Variants in ARFGEF1 observed in about 807,000 individuals in gnomAD.
ARFGEF1 encodes the protein brefeldin A-inhibited guanine nucleotide-exchange protein 1.
Under a neutral mutation model 231.0 loss-of-function variants are expected in ARFGEF1, and 42 were observed. The ratio of observed to expected loss-of-function variants is 0.18; its 90% CI spans 0.14 to 0.24. The LOEUF (loss-of-function observed/expected upper bound fraction) is 0.24. ARFGEF1 is among the 10% of genes least tolerant of loss of function. ARFGEF1 has a pLI of 1.00. For missense variants in ARFGEF1, 1,345 were observed against 2,192.0 expected (o/e 0.61, Z 7.72); for synonymous variants, 710 against 732.3 (o/e 0.97, Z 0.49).
At chr8:67,197,339 C>CACT (rs1405828654), downstream of ARFGEF1, among the ~76,000 whole-genome samples, 1 of 152,004 alleles carries the variant, frequency 6.6e-6, no homozygotes, top group African/African-American at 2.4e-5. Context: ...CTACAGTCCT[C>CACT]ACTACTGGGG....
intron 7 of ARFGEF1, among the ~76,000 whole-genome samples, chr8:67,282,910 G>C (rs1205102908): frequency 1.3e-5 from 2 of 149,230 alleles, no homozygotes; most frequent in Non-Finnish European, 3.0e-5. Context: ...ACAAAACAAA[G>C]ACTGAGTAGA....
intron 3 of ARFGEF1, 44 bp from the exon 4 acceptor site, chr8:67,299,399 A>G (rs1806377522): frequency 2.0e-6 from 3 of 1,517,564 alleles, no homozygotes; most frequent in African/African-American, 1.4e-5. Flanking sequence ...AAGGTAACAA[A>G]TATTATACAT....
At chr8:67,316,524 A>C (rs1807325117) in intron 1 of ARFGEF1, among the ~76,000 whole-genome samples, 1 of 151,836 alleles carries the variant, frequency 6.6e-6, no homozygotes, top group African/African-American at 2.4e-5. Context: ...GCAGTGGCGC[A>C]ATCACAGCTC....
At chr8:67,258,321 T>C (rs1563869478) in intron 15 of ARFGEF1, 31 bp from the exon 16 acceptor site, 1 of 1,448,952 alleles carries the variant, frequency 6.9e-7, no homozygotes, top group Middle Eastern at 1.9e-4. Context: ...GAAATTGATA[T>C]TTTCTTTCTT....
At chr8:67,329,716 A>G (rs78489322) in intron 1 of ARFGEF1, among the ~76,000 whole-genome samples, 2 of 151,846 alleles carry the variant, frequency 1.3e-5, no homozygotes, top group East Asian at 3.8e-4. Flanking sequence ...ACTATCTTAG[A>G]CAAAATATTT....
intron 23 of ARFGEF1, among the ~76,000 whole-genome samples, chr8:67,231,935 C>CA (rs1009044079): frequency 2.2e-4 from 33 of 150,910 alleles, no homozygotes; most frequent in Non-Finnish European, 3.0e-5. Flanking sequence ...TCAGTCTTCA[C>CA]AAAAAAATAG....
intron 5 of ARFGEF1, chr8:67,177,793 A>G (rs920122155): frequency 1.2e-5 from 13 of 1,067,324 alleles, no homozygotes; most frequent in Non-Finnish European, 1.7e-5. Flanking sequence ...GCATATGATG[A>G]TCAAGTAATT....
intron 19 of ARFGEF1, among the ~76,000 whole-genome samples, chr8:67,242,838 A>C (rs1839972115): frequency 6.6e-6 from 1 of 152,180 alleles, no homozygotes; most frequent in Non-Finnish European, 1.5e-5. Flanking sequence ...CAAGCTCATG[A>C]GAGAGCCCTT....
intron 6 of ARFGEF1, among the ~76,000 whole-genome samples, chr8:67,289,514 A>T (rs1294044034): frequency 7.3e-6 from 1 of 137,852 alleles, no homozygotes; most frequent in Non-Finnish European, 1.5e-5. Context: ...GTGTAATTGC[A>T]CTCTAGTCAG....
At chr8:67,175,342 A>G (rs1831352053), downstream of ARFGEF1, 9 of 1,613,908 alleles carry the variant, frequency 5.6e-6, no homozygotes, top group Non-Finnish European at 6.8e-6. Flanking sequence ...TGGATCCTCC[A>G]AGAGATCATC....
At chr8:67,244,647 G>A (rs946533392) in intron 19 of ARFGEF1, among the ~76,000 whole-genome samples, 8 of 149,550 alleles carry the variant, frequency 5.3e-5, no homozygotes, top group Admixed American at 3.4e-4. Flanking sequence ...GAAAGAATTA[G>A]TAAGCGTGAA....
intron 3 of ARFGEF1, among the ~76,000 whole-genome samples, chr8:67,299,941 C>T (rs952319318): frequency 4.0e-5 from 6 of 151,460 alleles, no homozygotes; most frequent in Admixed American, 6.6e-5. Flanking sequence ...TGCACTCCAA[C>T]GTAGGTGACA....
chr8:67,196,743 G>C (rs554664214), downstream of ARFGEF1, among the ~76,000 whole-genome samples: 1 of 152,302 alleles, frequency 6.6e-6, no homozygotes, highest in African/African-American at 2.4e-5. Context: ...TAGGGGAAGA[G>C]TCCTGATACT....
chr8:67,189,027 G>A (rs1835466733), intron 5 of ARFGEF1, among the ~76,000 whole-genome samples: 1 of 152,106 alleles, frequency 6.6e-6, no homozygotes, highest in Non-Finnish European at 1.5e-5. Context: ...TAAGAACAAG[G>A]ACCCGCCTGG....
At chr8:67,311,523 C>T (rs1391978683) in intron 1 of ARFGEF1, among the ~76,000 whole-genome samples, 6 of 138,648 alleles carry the variant, frequency 4.3e-5, no homozygotes, top group African/African-American at 1.1e-4. Context: ...GGGGGGGGGT[C>T]AGCCCCCTGC....
intron 29 of ARFGEF1, among the ~76,000 whole-genome samples, chr8:67,222,170 T>TATATATATATATAC (rs1472412494): frequency 1.6e-3 from 197 of 119,730 alleles, no homozygotes; most frequent in African/African-American, 7.3e-3. Context: ...CATGCATATA[T>TATATATATATATAC]ATATATATAC....
At chr8:67,241,121 G>C (rs1839913910) in intron 19 of ARFGEF1, among the ~76,000 whole-genome samples, 1 of 152,122 alleles carries the variant, frequency 6.6e-6, no homozygotes, top group South Asian at 2.1e-4. Context: ...GATCTATAAA[G>C]CATTTAGCAT....
chr8:67,302,527 T>C, intron 1 of ARFGEF1, 61 bp from the exon 2 acceptor site: 1 of 1,231,598 alleles, frequency 8.1e-7, no homozygotes, highest in Non-Finnish European at 1.1e-6. Context: ...ACTGAGTAAT[T>C]TCTTAAGTTC....
chr8:67,288,992 C>T (rs1024567767), intron 6 of ARFGEF1, among the ~76,000 whole-genome samples: 2 of 151,872 alleles, frequency 1.3e-5, no homozygotes, highest in African/African-American at 4.8e-5. Context: ...CAACAGATAA[C>T]TGCCAATCGA....
Sources: gnomAD v4.1 joint callset for allele counts (sites outside exome capture counted in the v4.1 genomes callset) on GRCh38, gnomAD v4.1.1 for gene constraint, MANE v1.5 for transcripts, NCBI Gene and HGNC (gene_info 2026-07-23, HGNC 2026-07-21) for gene names.